MEIG1: variants seen among roughly 807,000 people sequenced by gnomAD.
MEIG1 encodes the protein meiosis expressed gene 1 protein homolog.
In MEIG1, 12 loss-of-function variants were observed where a neutral mutation model predicts 11.3. The observed-to-expected ratio is 1.07, with a 90% confidence interval of 0.68 to 1.73. MEIG1 has a LOEUF of 1.73. Ranked by LOEUF, MEIG1 falls within the 40% of genes most tolerant of loss-of-function variation. The pLI is 0.00. For missense variants in MEIG1, 119 were observed against 104.9 expected, an observed-to-expected ratio of 1.13 and a Z score of -0.59; for synonymous variants, 41 against 33.2, an observed-to-expected ratio of 1.24 and a Z score of -0.81.
downstream of MEIG1, among the ~76,000 whole-genome samples, chr10:14,976,369 A>C (rs7893520): frequency 0.62 from 94,151 of 152,016 alleles, 29,682 homozygotes; most frequent in Admixed American, 0.73. Flanking sequence ...CTAGCGGGAC[A>C]TTAAGAATAA....
At chr10:14,983,196 G>T (rs1843282713) in intron 1 of MEIG1, among the ~76,000 whole-genome samples, 1 of 152,016 alleles carries the variant, frequency 6.6e-6, no homozygotes, top group African/African-American at 2.4e-5. Flanking sequence ...TCATCTCCAG[G>T]GGGTGGCGTA....
chr10:14,977,749 T>G (rs1244616570), downstream of MEIG1, among the ~76,000 whole-genome samples: 1 of 151,980 alleles, frequency 6.6e-6, no homozygotes, highest in African/African-American at 2.4e-5. Flanking sequence ...CCCTGTGATA[T>G]TTTTCATAAT....
downstream of MEIG1, among the ~76,000 whole-genome samples, chr10:14,976,642 G>C (rs989019270): frequency 2.0e-5 from 3 of 152,060 alleles, no homozygotes; most frequent in African/African-American, 7.2e-5. Context: ...GTCACAGAGG[G>C]TGTACACCTT....
chr10:14,981,795 A>G (rs1199235849), intron 1 of MEIG1, among the ~76,000 whole-genome samples: 1 of 152,206 alleles, frequency 6.6e-6, no homozygotes, highest in Admixed American at 6.5e-5. Context: ...CACACTGGTT[A>G]CACTGCAAAC....
At chr10:14,973,466 T>TAGGA (rs1305824811), downstream of MEIG1, among the ~76,000 whole-genome samples, 3 of 151,962 alleles carry the variant, frequency 2.0e-5, no homozygotes, top group Non-Finnish European at 1.5e-5. Flanking sequence ...TGCTGGGAAG[T>TAGGA]AGTGATAGAA....
intron 1 of MEIG1, among the ~76,000 whole-genome samples, chr10:14,981,427 A>G (rs1843261505): frequency 6.6e-6 from 1 of 152,062 alleles, no homozygotes; most frequent in African/African-American, 2.4e-5. Flanking sequence ...AAACTGATGA[A>G]TGACTTGATG....
chr10:14,966,711 C>G (rs1004513276), intron 2 of MEIG1, 105 bp downstream of exon 2: 2 of 1,011,320 alleles, frequency 2.0e-6, no homozygotes, highest in Non-Finnish European at 2.9e-6. Flanking sequence ...TCGACTCCAA[C>G]TCTCTCATTT....
At chr10:14,967,393 G>A (rs866611344) in intron 2 of MEIG1, among the ~76,000 whole-genome samples, 2 of 152,172 alleles carry the variant, frequency 1.3e-5, no homozygotes, top group African/African-American at 4.8e-5. Flanking sequence ...GCTTTCCTGA[G>A]AGGGTAGAGA....
rs750466197 is a variant in MEIG1, at chr10:14,972,532, C to T, written c.158C>T (p.Thr53Ile). Reference protein sequence around the residue: ...QVSMVDRWPETGYVKKLQRRD... With the variant: ...QVSMVDRWPEIGYVKKLQRRD... ...GTGCAGGTAGATCGTTGGCCGGAGA[C>T]AGGATATGTGAAGAAACTTCAGAGA... Residue 53 changes from threonine (T) to isoleucine (I), a missense_variant, in exon 3 of 3, where the codon ACA (threonine) becomes ATA (isoleucine). Thr to Ile is a moderately conservative substitution (Grantham distance 89). Coordinates refer to ENST00000407572, the MANE Select transcript of MEIG1 (RefSeq NM_001080836.3). 4 of 1,613,960 alleles carry T rather than the reference C, an allele frequency of 2.5e-6. No homozygotes were observed. Among genetic ancestry groups the T allele is most frequent in the South Asian group, 2.2e-5 (2 of 91,072 alleles).
chr10:14,961,595 C>T (rs892674906), intron 1 of MEIG1, among the ~76,000 whole-genome samples: 2 of 150,104 alleles, frequency 1.3e-5, no homozygotes, highest in African/African-American at 2.5e-5. Flanking sequence ...CTCAGCCTCC[C>T]GAAGTAGCTG....
chr10:14,959,105 A>C (rs188361366), upstream of MEIG1, among the ~76,000 whole-genome samples: 29 of 152,322 alleles, frequency 1.9e-4, 1 homozygote, highest in Admixed American at 7.8e-4. Flanking sequence ...GGAGATATCT[A>C]CTATCAGGAA....
At chr10:14,987,531 G>C in intron 2 of MEIG1, 1 of 681,420 alleles carries the variant, frequency 1.5e-6, no homozygotes, top group African/African-American at 1.8e-5. Context: ...CAATTCACAA[G>C]GAACATCTTT....
At chr10:14,980,727 G>C (rs1843254474) in intron 1 of MEIG1, among the ~76,000 whole-genome samples, 1 of 152,156 alleles carries the variant, frequency 6.6e-6, no homozygotes, top group African/African-American at 2.4e-5. Context: ...ACCGAAGATG[G>C]TGGGGGAGTT....
At chr10:14,956,850 G>A (rs978856571), upstream of MEIG1, among the ~76,000 whole-genome samples, 1 of 152,164 alleles carries the variant, frequency 6.6e-6, no homozygotes, top group African/African-American at 2.4e-5. Context: ...GATCACTTGA[G>A]GCCAGGAGTT....
chr10:14,983,136 G>T (rs1254401593), intron 1 of MEIG1, among the ~76,000 whole-genome samples: 2 of 152,104 alleles, frequency 1.3e-5, no homozygotes, highest in South Asian at 4.2e-4. Context: ...ATGATATTAC[G>T]TTTAATATCG....
downstream of MEIG1, among the ~76,000 whole-genome samples, chr10:14,977,090 T>C (rs961742027): frequency 6.6e-6 from 1 of 152,144 alleles, no homozygotes; most frequent in South Asian, 2.1e-4. Context: ...GGTGTACACA[T>C]TGAGATATTA....
exon 3 of MEIG1, chr10:14,987,998 T>C (rs1843335698): frequency 6.6e-6 from 1 of 152,636 alleles, no homozygotes; most frequent in African/African-American, 2.4e-5. Flanking sequence ...TTTATTATCA[T>C]CCTTCGGTTT....
chr10:14,961,490 A>C, intron 1 of MEIG1, among the ~76,000 whole-genome samples: 1 of 151,982 alleles, frequency 6.6e-6, no homozygotes, highest in East Asian at 1.9e-4. Context: ...TATTTTTTTG[A>C]GATGGTGTCT....
upstream of MEIG1, among the ~76,000 whole-genome samples, chr10:14,954,590 C>A (rs1842887291): frequency 1.3e-5 from 2 of 152,102 alleles, no homozygotes; most frequent in South Asian, 4.1e-4. Context: ...TTCCCTCTTC[C>A]GTTTATATAA....
Sources: gnomAD v4.1 joint callset for allele counts (sites outside exome capture counted in the v4.1 genomes callset) on GRCh38, gnomAD v4.1.1 for gene constraint, MANE v1.5 for transcripts, NCBI Gene and HGNC (gene_info 2026-07-23, HGNC 2026-07-21) for gene names.